Variants in OR6S1 observed in about 807,000 individuals in gnomAD.
The protein encoded by OR6S1 is olfactory receptor family 6 subfamily S member 1.
For synonymous variants in OR6S1, 182 were observed against 166.0 expected, an observed-to-expected ratio of 1.10 and a Z score of -0.74; for missense variants, 443 against 401.7, an observed-to-expected ratio of 1.10 and a Z score of -0.88.
Position 20,641,438 on chromosome 14 carries a change from C to T in OR6S1, c.254G>A (p.Ser85Asn). 1 of 1,614,122 alleles carries T rather than the reference C, an allele frequency of 6.2e-7. No individual in the cohort carries two copies. The highest frequency in any genetic ancestry group is 1.1e-5 in the South Asian group (1 of 91,072). ...AGTGTGTTGCCTTGAGAGGAAATTG[C>T]TCAGCATCTTTGGAATGATGACAGA... Reference protein sequence around the residue: ...LTSVIIPKMLSNFLSRQHTIS... With the variant: ...LTSVIIPKMLNNFLSRQHTIS... Residue 85 changes from serine (S) to asparagine (N), a missense_variant, in exon 1 of 1, where the codon AGC (serine) becomes AAC (asparagine). Coordinates refer to ENST00000320704, the MANE Select transcript of OR6S1 (RefSeq NM_001001968.1).
rs775773623 is a variant in OR6S1, at chr14:20,640,798, C to T, written c.894G>A (p.Glu298=). The change falls in exon 1 of 1, where the codon GAG becomes GAA. Residue 298 remains glutamate, a synonymous_variant. Transcript: ENST00000320704. ...TGTCCTTCAAAGCTTCCTTGACTTGCTCATTACGTAAGGCATAGATGAATG... is the reference window on the plus strand; with the variant it reads ...TGTCCTTCAAAGCTTCCTTGACTTGTTCATTACGTAAGGCATAGATGAATG... The part of the protein sequence containing the change: ...LNPFIYALRN[E]QVKEALKDMF... 3.1e-6 allele frequency: 5 copies of T among 1,613,986 alleles called. No individual in the cohort carries two copies. In the African/African-American group the frequency reaches 4.0e-5, roughly 13 times the overall value.
chr14:20,640,722 A>T lies in OR6S1; in HGVS notation c.970T>A (p.Cys324Ser). Residue 324 changes from cysteine (C) to serine (S), a missense_variant, in exon 1 of 1, where the codon TGT (cysteine) becomes AGT (serine). Transcript: ENST00000320704. ...TACTTTACTGCTTTCTCACTGAGAC[A>T]TTTATCAAGTAAAAGATTCCCTAAA... The part of the protein sequence containing the change: ...GVLGNLLLDK[C>S]LSEKAVK 1 of 1,599,398 alleles carries T rather than the reference A, an allele frequency of 6.3e-7. No homozygotes were observed. The highest frequency in any genetic ancestry group is 8.5e-7 in the Non-Finnish European group (1 of 1,172,050).
In OR6S1 at chr14:20,641,340, C is replaced by A. The variant is rs570724788; in HGVS notation, c.352G>T (p.Ala118Ser). The A allele has an allele frequency of 4.8e-5, 78 of 1,613,898 alleles. No individual in the cohort carries two copies. Among genetic ancestry groups the A allele is most frequent in the Non-Finnish European group, 6.4e-5 (75 of 1,179,988 alleles). Residue 118 changes from alanine to serine, a missense_variant, in exon 1 of 1, where the codon GCT becomes TCT. Coordinates refer to ENST00000320704, the MANE Select transcript of OR6S1 (RefSeq NM_001001968.1). ...AGGTAGCGATCCGCAGACATGACAG[C>A]CAACAGTAAGAACTCGGAGGCCCCG... ...FLGASEFLLL[A>S]VMSADRYLAI... is the part of the protein sequence containing the mutation.
In OR6S1 at chr14:20,641,363, C is replaced by T. The variant is rs780095967; in HGVS notation, c.329G>A (p.Gly110Glu). Reference protein sequence around the residue: ...ITQFYFYFFLGASEFLLLAVM... With the variant: ...ITQFYFYFFLEASEFLLLAVM... The stretch of plus-strand genomic sequence containing the variant: ...AGCCAACAGTAAGAACTCGGAGGCC[C>T]CGAGAAAGAAGTAGAAATAGAATTG... The change falls in exon 1 of 1, where the codon GGG (glycine) becomes GAG (glutamate). Residue 110 changes from glycine (G) to glutamate (E), a missense_variant. By Grantham distance (98) the Gly-to-Glu change is moderately conservative. Transcript: ENST00000320704. 2.3e-4 allele frequency: 365 copies of T among 1,613,870 alleles called. 1 individual carries two copies. Among genetic ancestry groups the T allele is most frequent in the Non-Finnish European group, 3.1e-4 (361 of 1,179,988 alleles).
rs1274717806 is a variant in OR6S1, at chr14:20,641,118, A to G, written c.574T>C (p.Cys192Arg). The part of the protein sequence containing the change: ...CDSGPLLRLA[C>R]TNTKKLEETD... ...TCCTCCAGCTTCTTGGTGTTGGTGCAAGCCAGGCGGAGCAGTGGGCCACTG... is the reference window on the plus strand; with the variant it reads ...TCCTCCAGCTTCTTGGTGTTGGTGCGAGCCAGGCGGAGCAGTGGGCCACTG... Residue 192 changes from cysteine to arginine, a missense_variant, in exon 1 of 1, where the codon TGC becomes CGC. Coordinates refer to ENST00000320704, the MANE Select transcript of OR6S1 (RefSeq NM_001001968.1). 6.2e-7 allele frequency: 1 copy of G among 1,614,040 alleles called. No homozygotes were observed. Among genetic ancestry groups the G allele is most frequent in the Non-Finnish European group, 8.5e-7 (1 of 1,179,986 alleles).
chr14:20,640,857 C>G lies in OR6S1; in HGVS notation c.835G>C (p.Val279Leu). The change falls in exon 1 of 1, where the codon GTA (valine) becomes CTA (leucine). Residue 279 changes from valine to leucine, a missense_variant. Coordinates refer to ENST00000320704, the MANE Select transcript of OR6S1 (RefSeq NM_001001968.1). ...AGTGGTGTCACAAATGTCGTTATTA[C>G]TGTCACTGCCCAGTTAGTGTCCACA... Reference protein sequence around the residue: ...GSVDTNWAVTVITTFVTPLLN... With the variant: ...GSVDTNWAVTLITTFVTPLLN... The G allele has an allele frequency of 6.2e-7, 1 of 1,614,052 alleles. No individual in the cohort carries two copies. Among genetic ancestry groups the G allele is most frequent in the Non-Finnish European group, 8.5e-7 (1 of 1,180,000 alleles).
At position 20,640,949 on chromosome 14, in the gene OR6S1, A is replaced by G; in HGVS notation, c.743T>C (p.Leu248Ser). ...QKAFSTCTSH[L>S]IVVTLFYGSA... ...TCCATAGAAGAGGGTCACCACTATC[A>G]AGTGGGAGGTACAGGTAGAGAAGGC... Residue 248 changes from leucine (L) to serine (S), a missense_variant, in exon 1 of 1, where the codon TTG becomes TCG. Leu to Ser is a moderately radical substitution (Grantham distance 145, BLOSUM62 -2). Coordinates refer to ENST00000320704, the MANE Select transcript of OR6S1 (RefSeq NM_001001968.1). 6.2e-7 allele frequency: 1 copy of G among 1,614,146 alleles called. No individual in the cohort carries two copies. The highest frequency in any genetic ancestry group is 8.5e-7 in the Non-Finnish European group (1 of 1,180,008).
chr14:20,640,725 T>G lies in OR6S1; in HGVS notation c.967A>C (p.Lys323Gln), dbSNP rs1288465816. The G allele has an allele frequency of 6.3e-7, 1 of 1,596,484 alleles. No homozygotes were observed. The highest frequency in any genetic ancestry group is 8.5e-7 in the Non-Finnish European group (1 of 1,169,600). The change falls in exon 1 of 1, where the codon AAA (lysine) becomes CAA (glutamine). Residue 323 changes from lysine to glutamine, a missense_variant. By Grantham distance (53) the Lys-to-Gln change is moderately conservative. Coordinates refer to ENST00000320704, the MANE Select transcript of OR6S1 (RefSeq NM_001001968.1). ...AGVLGNLLLDKCLSEKAVK is the reference protein window; with the variant it reads ...AGVLGNLLLDQCLSEKAVK The stretch of plus-strand genomic sequence containing the variant: ...TTTACTGCTTTCTCACTGAGACATT[T>G]ATCAAGTAAAAGATTCCCTAAAACG...
Position 20,640,984 on chromosome 14 carries a change from G to T in OR6S1, c.708C>A (p.Gly236=), listed in dbSNP as rs771332826. The change falls in exon 1 of 1, where the codon GGC becomes GGA. Residue 236 remains glycine, a synonymous_variant. Coordinates refer to ENST00000320704, the MANE Select transcript of OR6S1 (RefSeq NM_001001968.1). ...LAVLSIPSAS[G]RQKAFSTCTS... ...TACAGGTAGAGAAGGCCTTCTGACG[G>T]CCTGAAGCAGAGGGGATGCTCAGGA... The T allele has an allele frequency of 6.2e-7, 1 of 1,613,942 alleles. No individual in the cohort carries two copies. Among genetic ancestry groups the T allele is most frequent in the East Asian group, 2.2e-5 (1 of 44,876 alleles).
At position 20,641,231 on chromosome 14, in the gene OR6S1, C is replaced by T. The variant is rs1204777785; in HGVS notation, c.461G>A (p.Gly154Glu). 2.5e-6 allele frequency: 4 copies of T among 1,613,548 alleles called. No homozygotes were observed. Among genetic ancestry groups the T allele is most frequent in the African/African-American group, 2.7e-5 (2 of 74,906 alleles). The change falls in exon 1 of 1, where the codon GGA becomes GAA. Residue 154 changes from glycine (G) to glutamate (E), a missense_variant. By Grantham distance (98) the Gly-to-Glu change is moderately conservative. Coordinates refer to ENST00000320704, the MANE Select transcript of OR6S1 (RefSeq NM_001001968.1). The part of the protein sequence containing the change: ...FRVALACWVG[G>E]LVPVLGPTVA... ...TGTGGGACCAAGCACAGGGACGAGT[C>T]CCCCCACCCAGCAGGCCAAGGCCAC...
rs747116853 is a variant in OR6S1, at chr14:20,640,895, G to A, written c.797C>T (p.Ser266Leu). 30 of 1,613,856 alleles carry A rather than the reference G, an allele frequency of 1.9e-5. No homozygotes were observed. The highest frequency in any genetic ancestry group is 8.0e-5 in the African/African-American group (6 of 74,884). Residue 266 changes from serine (S) to leucine (L), a missense_variant, in exon 1 of 1, where the codon TCG (serine) becomes TTG (leucine). Ser to Leu is a moderately radical substitution (Grantham distance 145). Coordinates refer to ENST00000320704, the MANE Select transcript of OR6S1 (RefSeq NM_001001968.1). ...GTTAGTGTCCACAGAACCACTCTGC[G>A]ATGGCCGCACATAGAGAAAAATGGC... ...GSAIFLYVRP[S>L]QSGSVDTNWA...
Position 20,641,138 on chromosome 14 carries a change from C to T in OR6S1, c.554G>A (p.Gly185Asp), listed in dbSNP as rs2138954862. 1 of 1,613,868 alleles carries T rather than the reference C, an allele frequency of 6.2e-7. No homozygotes were observed. The highest frequency in any genetic ancestry group is 8.5e-7 in the Non-Finnish European group (1 of 1,179,854). The change falls in exon 1 of 1, where the codon GGC becomes GAC. Residue 185 changes from glycine (G) to aspartate (D), a missense_variant. Physicochemically the swap from Gly to Asp is moderately conservative, Grantham distance 94. Coordinates refer to ENST00000320704, the MANE Select transcript of OR6S1 (RefSeq NM_001001968.1). ...GGTGCAAGCCAGGCGGAGCAGTGGG[C>T]CACTGTCGCAGAAGAAGTGCTGTAC... ...AVVQHFFCDS[G>D]PLLRLACTNT...
In OR6S1 at chr14:20,641,364, C is replaced by T. The variant is rs768078262; in HGVS notation, c.328G>A (p.Gly110Arg). 1.2e-5 allele frequency: 19 copies of T among 1,613,850 alleles called. No individual in the cohort carries two copies. Among genetic ancestry groups the T allele is most frequent in the South Asian group, 9.9e-5 (9 of 91,062 alleles). ...ITQFYFYFFL[G>R]ASEFLLLAVM... is the part of the protein sequence containing the mutation. ...GCCAACAGTAAGAACTCGGAGGCCC[C>T]GAGAAAGAAGTAGAAATAGAATTGG... is the stretch of plus-strand genomic sequence containing the variant. Residue 110 changes from glycine (G) to arginine (R), a missense_variant, in exon 1 of 1, where the codon GGG (glycine) becomes AGG (arginine). By Grantham distance (125) the Gly-to-Arg change is moderately radical. Coordinates refer to ENST00000320704, the MANE Select transcript of OR6S1 (RefSeq NM_001001968.1).
rs1166524828 is a variant in OR6S1 at position 20,641,479 on chromosome 14, T to C, written c.213A>G (p.Leu71=). The C allele has an allele frequency of 3.1e-6, 5 of 1,613,906 alleles. No individual in the cohort carries two copies. The African/African-American group carries it at 4.0e-5, about 13-fold the overall frequency. ...TGATGACAGAAGTGAGCAGTATCTC[T>C]AGGCAGGACAGGTTACCCAGAAAGA... ...MYFFLGNLSC[L]EILLTSVIIP... is the part of the protein sequence containing the mutation. The change falls in exon 1 of 1, where the codon CTA becomes CTG. Residue 71 remains leucine, a synonymous_variant. Transcript: ENST00000320704.
In OR6S1 at chr14:20,641,044, G is replaced by T. The variant is rs139351024; in HGVS notation, c.648C>A (p.Ile216=). ...CAATGAGGCCGTAGGACACAGCAGT[G>T]ATCAGCAAGGAAGATACAATGACGA... ...ASLVIVSSLL[I]TAVSYGLIVL... Residue 216 remains isoleucine, a synonymous_variant, in exon 1 of 1, where the codon ATC becomes ATA. Transcript: ENST00000320704. 4.5e-4 allele frequency: 722 copies of T among 1,614,022 alleles called. 2 individuals are homozygous for T. Among genetic ancestry groups the T allele is most frequent in the Middle Eastern group, 1.6e-4 (1 of 6,084 alleles).
Position 20,640,984 on chromosome 14 carries a change from G to C in OR6S1, c.708C>G (p.Gly236=), listed in dbSNP as rs771332826. The part of the protein sequence containing the change: ...LAVLSIPSAS[G]RQKAFSTCTS... ...TACAGGTAGAGAAGGCCTTCTGACGGCCTGAAGCAGAGGGGATGCTCAGGA... is the reference window on the plus strand; with the variant it reads ...TACAGGTAGAGAAGGCCTTCTGACGCCCTGAAGCAGAGGGGATGCTCAGGA... Residue 236 remains glycine (G), a synonymous_variant, in exon 1 of 1, where the codon GGC becomes GGG. Coordinates refer to ENST00000320704, the MANE Select transcript of OR6S1 (RefSeq NM_001001968.1). The C allele has an allele frequency of 1.9e-6, 3 of 1,613,824 alleles. No individual in the cohort carries two copies. The African/African-American group carries it at 4.0e-5, about 22-fold the overall frequency.
rs751078907 is a variant in OR6S1 at position 20,641,511 on chromosome 14, T to C, written c.181A>G (p.Met61Val). The C allele has an allele frequency of 6.2e-6, 10 of 1,613,638 alleles. No homozygotes were observed. In the East Asian group the frequency reaches 8.9e-5, roughly 14 times the overall value. The change falls in exon 1 of 1, where the codon ATG becomes GTG. Residue 61 changes from methionine (M) to valine (V), a missense_variant. Transcript: ENST00000320704. ...VRADTRLQTP[M>V]YFFLGNLSCL... ...GACAGGTTACCCAGAAAGAAGTACA[T>C]AGGGGTCTGTAGTCGAGTATCAGCC...
chr14:20,641,657 G>T lies in OR6S1; in HGVS notation c.35C>A (p.Thr12Lys), dbSNP rs367917172. The change falls in exon 1 of 1, where the codon ACA becomes AAA. Residue 12 changes from threonine (T) to lysine (K), a missense_variant. Thr to Lys is a moderately conservative substitution (Grantham distance 78). Transcript: ENST00000320704. The stretch of plus-strand genomic sequence containing the variant: ...TGGGAGCCCTGCCAGGACGAACTCT[G>T]TTGGATCACTACTGTGGTTCCCATC... ...SPDGNHSSDP[T>K]EFVLAGLPNL... 2.5e-6 allele frequency: 4 copies of T among 1,609,556 alleles called. No homozygotes were observed. The highest frequency in any genetic ancestry group is 1.7e-6 in the Non-Finnish European group (2 of 1,177,378).
At position 20,640,719 on chromosome 14, in the gene OR6S1, G is replaced by A. The variant is rs1199882676; in HGVS notation, c.973C>T (p.Leu325Phe). ...VLGNLLLDKC[L>F]SEKAVK ...TTTTACTTTACTGCTTTCTCACTGA[G>A]ACATTTATCAAGTAAAAGATTCCCT... Residue 325 changes from leucine (L) to phenylalanine (F), a missense_variant, in exon 1 of 1, where the codon CTC (leucine) becomes TTC (phenylalanine). Coordinates refer to ENST00000320704, the MANE Select transcript of OR6S1 (RefSeq NM_001001968.1). 2.0e-6 allele frequency: 3 copies of A among 1,504,098 alleles called. No individual in the cohort carries two copies. The highest frequency in any genetic ancestry group is 2.2e-5 in the South Asian group (2 of 89,468). The allele number at this position is 1,504,098 out of a possible 1,614,324, so 93.2% of individuals were successfully genotyped here.
Sources: allele counts gnomAD v4.1 joint callset, GRCh38; gene constraint gnomAD v4.1.1; transcripts MANE v1.5; gene names NCBI Gene and HGNC (gene_info 2026-07-23, HGNC 2026-07-21).